Variants in OXR1 observed in about 807,000 individuals in gnomAD.
OXR1 encodes oxidation resistance 1, also known as oxidation resistance protein 1.
OXR1 carries 41 observed loss-of-function variants against 104.6 expected under a neutral mutation model. The ratio of observed to expected loss-of-function variants is 0.39; its 90% CI spans 0.31 to 0.51. The LOEUF (loss-of-function observed/expected upper bound fraction) is 0.51, where lower values mean the gene tolerates loss of function less well. Ranked by LOEUF, OXR1 falls within the 20% of genes least tolerant of loss-of-function variation. The pLI is 0.77. For missense variants in OXR1, 955 were observed against 1,031.9 expected, an observed-to-expected ratio of 0.93 and a Z score of 1.02; for synonymous variants, 348 against 348.4, an observed-to-expected ratio of 1.00 and a Z score of 0.01.
chr8:106,678,978 G>A (rs924692766), intron 3 of OXR1, among the ~76,000 whole-genome samples: 47 of 151,958 alleles, frequency 3.1e-4, no homozygotes, highest in Admixed American at 1.4e-3. Flanking sequence ...TATGTTTTGC[G>A]TTGACTTGCA....
At chr8:106,661,491 A>G (rs936947008) in intron 3 of OXR1, among the ~76,000 whole-genome samples, 2 of 152,228 alleles carry the variant, frequency 1.3e-5, no homozygotes, top group African/African-American at 2.4e-5. Context: ...TTTGATTTTA[A>G]AAAATTGTTT....
At chr8:106,495,504 T>G (rs1323207287) in intron 2 of OXR1, among the ~76,000 whole-genome samples, 1 of 152,212 alleles carries the variant, frequency 6.6e-6, no homozygotes, top group Non-Finnish European at 1.5e-5. Flanking sequence ...TCCCTAGTTT[T>G]CCTGTTGTAG....
At chr8:106,296,629 G>A (rs771336202) in intron 1 of OXR1, among the ~76,000 whole-genome samples, 20 of 152,140 alleles carry the variant, frequency 1.3e-4, no homozygotes, top group Non-Finnish European at 2.5e-4. Flanking sequence ...CTGAACTCTA[G>A]TGATCACCTG....
At chr8:106,701,953 A>G (rs1278861394) in intron 7 of OXR1, among the ~76,000 whole-genome samples, 1 of 152,116 alleles carries the variant, frequency 6.6e-6, no homozygotes, top group Non-Finnish European at 1.5e-5. Flanking sequence ...TAAGATTTGT[A>G]TCACTATTTA....
At chr8:106,547,739 G>A (rs1362030309) in intron 3 of OXR1, among the ~76,000 whole-genome samples, 2 of 151,882 alleles carry the variant, frequency 1.3e-5, no homozygotes, top group Non-Finnish European at 2.9e-5. Context: ...CACCTGCCTC[G>A]TGGATCACCT....
intron 15 of OXR1, among the ~76,000 whole-genome samples, chr8:106,744,042 C>T (rs1835172518): frequency 6.6e-6 from 1 of 152,126 alleles, no homozygotes; most frequent in East Asian, 1.9e-4. Flanking sequence ...GTGTCTGTCG[C>T]AGGGTGAGGG....
intron 8 of OXR1, among the ~76,000 whole-genome samples, chr8:106,704,964 A>G (rs1378294167): frequency 6.6e-6 from 1 of 152,228 alleles, no homozygotes; most frequent in East Asian, 1.9e-4. Flanking sequence ...AAAATGAGGT[A>G]TAAGATTTGA....
intron 2 of OXR1, among the ~76,000 whole-genome samples, chr8:106,376,883 C>T (rs1816927257): frequency 6.6e-6 from 1 of 152,182 alleles, no homozygotes; most frequent in Non-Finnish European, 1.5e-5. Flanking sequence ...AGATGGGCTA[C>T]CCATTATGCT....
intron 9 of OXR1, among the ~76,000 whole-genome samples, chr8:106,708,879 C>T (rs972967707): frequency 6.6e-6 from 1 of 151,054 alleles, no homozygotes; most frequent in African/African-American, 2.5e-5. Flanking sequence ...ACCATTTTAC[C>T]TTCCCTGCGG....
chr8:106,516,293 C>A (rs1315334797), intron 2 of OXR1, among the ~76,000 whole-genome samples: 1 of 152,122 alleles, frequency 6.6e-6, no homozygotes, highest in African/African-American at 2.4e-5. Context: ...TTCCCTATCT[C>A]TTTTACTGTG....
At chr8:106,411,350 T>C (rs1477081648) in intron 2 of OXR1, among the ~76,000 whole-genome samples, 1 of 152,082 alleles carries the variant, frequency 6.6e-6, no homozygotes, top group Non-Finnish European at 1.5e-5. Flanking sequence ...ATGTTGGCCT[T>C]TACCCAACAG....
intron 6 of OXR1, among the ~76,000 whole-genome samples, chr8:106,688,025 A>G (rs969739655): frequency 3.9e-5 from 6 of 152,184 alleles, no homozygotes; most frequent in South Asian, 2.1e-4. Context: ...AATAGCTACC[A>G]TTTCGCACTA....
chr8:106,591,805 G>T (rs546784462), intron 3 of OXR1, among the ~76,000 whole-genome samples: 5 of 152,136 alleles, frequency 3.3e-5, no homozygotes, highest in Non-Finnish European at 5.9e-5. Context: ...TTTACAGAAA[G>T]AAAAGACATT....
intron 2 of OXR1, among the ~76,000 whole-genome samples, chr8:106,424,423 T>C (rs1011300784): frequency 4.6e-5 from 7 of 152,176 alleles, no homozygotes; most frequent in Admixed American, 3.3e-4. Context: ...AGTATGGTAA[T>C]TTCCCCTGTC....
At chr8:106,454,678 A>C (rs2130627679) in intron 2 of OXR1, among the ~76,000 whole-genome samples, 1 of 152,130 alleles carries the variant, frequency 6.6e-6, no homozygotes, top group Non-Finnish European at 1.5e-5. Context: ...GATGATATTA[A>C]TTGTCTTATT....
rs78754814 is a variant in OXR1, at chr8:106,376,007, C to A, written c.23+16371C>A. Among the ~76,000 whole-genome samples, 460 of 152,136 alleles carry A rather than the reference C, an allele frequency of 3.0e-3. 4 individuals carry two copies. The highest frequency in any genetic ancestry group is 9.8e-3 in the African/African-American group (405 of 41,484). ...TGGTACTACAGGCACATGCCACCAA[C>A]CCAGCTAATTTTAAAAATATTTTCA... On this transcript the variant is annotated intron_variant, in intron 2 of 16. Transcript: ENST00000517566.
chr8:106,279,444 A>G (rs2130489189), intron 1 of OXR1, among the ~76,000 whole-genome samples: 1 of 152,264 alleles, frequency 6.6e-6, no homozygotes, highest in East Asian at 1.9e-4. Flanking sequence ...ATTATGGGTA[A>G]GGTTTTCTTT....
At chr8:106,742,343 AT>A in intron 15 of OXR1, 26 bp downstream of exon 15, 1 of 1,409,142 alleles carries the variant, frequency 7.1e-7, no homozygotes, top group Non-Finnish European at 1.0e-6. Context: ...TCAATATTTT[AT>A]TTATAAAGAG....
At chr8:106,544,270 A>T (rs1210725407) in intron 3 of OXR1, among the ~76,000 whole-genome samples, 1 of 151,240 alleles carries the variant, frequency 6.6e-6, no homozygotes, top group Non-Finnish European at 1.5e-5. Flanking sequence ...AAAGGGAGGC[A>T]GATGTGCAAC....
Sources: allele counts gnomAD v4.1 joint callset (sites outside exome capture counted in the v4.1 genomes callset), GRCh38; gene constraint gnomAD v4.1.1; transcripts MANE v1.5; gene names NCBI Gene and HGNC (gene_info 2026-07-23, HGNC 2026-07-21).